ING1: variants seen among roughly 807,000 people sequenced by gnomAD.
The protein encoded by ING1 is inhibitor of growth protein 1.
Under a neutral mutation model 23.1 loss-of-function variants are expected in ING1, and 4 were observed. That is an observed-to-expected ratio of 0.17 (90% CI 0.09 to 0.40). The LOEUF is 0.40. ING1 is among the 10% of genes least tolerant of loss of function. The probability of loss-of-function intolerance (pLI) is 1.00; values close to 1 mark genes in which losing one functional copy is unlikely to be tolerated. For missense variants in ING1, 256 were observed against 393.8 expected (o/e 0.65, Z 2.96); for synonymous variants, 179 against 166.4 (o/e 1.08, Z -0.58).
chr13:110,718,396 A>G lies in ING1; in HGVS notation c.137-833A>G, dbSNP rs1181131311. ...GCACCACTGCACTCCAGCCTGGGCGACAGAGACGGACCTTGTCTCCAAAAT... is the reference window on the plus strand; with the variant it reads ...GCACCACTGCACTCCAGCCTGGGCGGCAGAGACGGACCTTGTCTCCAAAAT... On this transcript the variant is annotated intron_variant, in intron 1 of 1. Transcript: ENST00000333219. Among the ~76,000 whole-genome samples, 5 of 152,226 alleles carry G rather than the reference A, an allele frequency of 3.3e-5. No homozygotes were observed. The East Asian group carries it at 7.7e-4, about 23-fold the overall frequency.
Position 110,720,027 on chromosome 13 carries a change from A to T in ING1, c.*95A>T. On this transcript the variant is annotated 3_prime_UTR_variant, in exon 2 of 2. Coordinates refer to ENST00000333219, the MANE Select transcript of ING1 (RefSeq NM_198219.3). ...GAGGTGCAAGGAGTGTAAAATGTAT[A>T]TTTTTAAAGAATGTTAGTAAAGGAA... 1.1e-6 allele frequency: 1 copy of T among 903,530 alleles called. No homozygotes were observed. The highest frequency in any genetic ancestry group is 1.6e-6 in the Non-Finnish European group (1 of 616,112). The allele number at this position is 903,530 out of a possible 1,614,324, so 56.0% of individuals were successfully genotyped here.
chr13:110,717,980 C>A (rs1395042280), intron 1 of ING1, among the ~76,000 whole-genome samples: 1 of 152,196 alleles, frequency 6.6e-6, no homozygotes, highest in Admixed American at 6.5e-5. Flanking sequence ...TTTAGCAAGG[C>A]TGTTTACTTC....
rs754956901 is a variant in ING1 at position 110,719,856 on chromosome 13, A to G, written c.764A>G (p.Lys255Arg). ...HKPKGKWYCP[K>R]CRGENEKTMD... Reference sequence around the variant, plus strand: ...CCCAAGGGCAAGTGGTACTGTCCCAAGTGCCGGGGGGAGAACGAGAAGACC... The same window carrying G: ...CCCAAGGGCAAGTGGTACTGTCCCAGGTGCCGGGGGGAGAACGAGAAGACC... The change falls in exon 2 of 2, where the codon AAG becomes AGG. Residue 255 changes from lysine to arginine, a missense_variant. Physicochemically the swap from Lys to Arg is conservative, Grantham distance 26 (BLOSUM62 2). Coordinates refer to ENST00000333219, the MANE Select transcript of ING1 (RefSeq NM_198219.3). The surrounding 1 kb of genome is among the most constrained non-coding windows in gnomAD (Gnocchi z 8.9). The G allele has an allele frequency of 4.3e-6, 7 of 1,613,594 alleles. No homozygotes were observed. The Admixed American group carries it at 8.4e-5, about 19-fold the overall frequency.
At chr13:110,712,642 G>A (rs757525528), upstream of ING1, 2 of 575,276 alleles carry the variant, frequency 3.5e-6, no homozygotes, top group East Asian at 3.4e-5. Context: ...GGGGCGACGC[G>A]GGGGAGGGCG....
intron 1 of ING1, chr13:110,715,670 GCTCTTCCGCCCTGC>G: frequency 6.2e-7 from 1 of 1,608,408 alleles, no homozygotes; most frequent in African/African-American, 1.3e-5. Flanking sequence ...GGCGGGCCGT[GCTCTTCCGCCCTGC>G]GGTGTGGTTG....
chr13:110,713,191 T>C, upstream of ING1: 1 of 1,425,192 alleles, frequency 7.0e-7, no homozygotes, highest in South Asian at 1.5e-5. Context: ...TGTTGGCAAG[T>C]AGATTGGCTA....
At chr13:110,715,717 T>C in intron 1 of ING1, 2 of 1,589,442 alleles carry the variant, frequency 1.3e-6, no homozygotes, top group Non-Finnish European at 1.7e-6. Flanking sequence ...GCCTCCGCCC[T>C]CCAAATCGGC....
intron 1 of ING1, chr13:110,715,298 C>A: frequency 1.4e-6 from 2 of 1,382,416 alleles, no homozygotes; most frequent in Non-Finnish European, 1.9e-6. Context: ...AAAAAATTGA[C>A]CGCTATCCCC....
At chr13:110,712,845 C>A, upstream of ING1, 1 of 1,093,642 alleles carries the variant, frequency 9.1e-7, no homozygotes. Context: ...AGCAGCTTCC[C>A]TCTCAGGCCC....
rs1478713514 is a variant in ING1, at chr13:110,716,106, C to T, written c.136+1821C>T. 3.9e-6 allele frequency: 5 copies of T among 1,290,358 alleles called. No individual in the cohort carries two copies. The African/African-American group carries it at 4.6e-5, about 12-fold the overall frequency. 79.9% of individuals were successfully genotyped at this position (1,290,358 alleles called of 1,614,324 possible). A position where few individuals can be genotyped will look rare whatever the true frequency, so the allele number is the denominator to read the frequency against. On this transcript the variant is annotated intron_variant, in intron 1 of 1. Transcript: ENST00000333219. ...GCCGGACGGGCCCCGTGGGGTGACC[C>T]TGGGGCTCCGGACGGAAGGAAGGCA... is the stretch of plus-strand genomic sequence containing the variant.
At chr13:110,717,601 C>A (rs983461875) in intron 1 of ING1, among the ~76,000 whole-genome samples, 1 of 152,110 alleles carries the variant, frequency 6.6e-6, no homozygotes, top group African/African-American at 2.4e-5. Flanking sequence ...CCGAGGCGGG[C>A]GGATCACCTG....
Position 110,714,014 on chromosome 13 carries a change from G to C in ING1, c.-136G>C. On this transcript the variant is annotated 5_prime_UTR_variant, in exon 1 of 2. Coordinates refer to ENST00000333219, the MANE Select transcript of ING1 (RefSeq NM_198219.3). The stretch of plus-strand genomic sequence containing the variant: ...GACGGGCTCGGCAGATGTAGCCGCC[G>C]GGCCGAAGCAGGAGCCGGCGGGGGG... The C allele has an allele frequency of 8.4e-7, 1 of 1,184,752 alleles. No individual in the cohort carries two copies. The allele number at this position is 1,184,752 out of a possible 1,614,324, so 73.4% of individuals were successfully genotyped here. A position where few individuals can be genotyped will look rare whatever the true frequency, so the allele number is the denominator to read the frequency against.
intron 1 of ING1, among the ~76,000 whole-genome samples, chr13:110,718,197 G>A (rs954649657): frequency 2.0e-5 from 3 of 152,188 alleles, no homozygotes; most frequent in African/African-American, 7.2e-5. Context: ...AGCAGTAGAT[G>A]CAAAAGTAAA....
chr13:110,719,882 A>G lies in ING1; in HGVS notation c.790A>G (p.Met264Val). Reference sequence around the variant, plus strand: ...GTGCCGGGGGGAGAACGAGAAGACCATGGACAAAGCCCTGGAGAAATCCAA... The same window carrying G: ...GTGCCGGGGGGAGAACGAGAAGACCGTGGACAAAGCCCTGGAGAAATCCAA... ...PKCRGENEKT[M>V]DKALEKSKKE... The change falls in exon 2 of 2, where the codon ATG (methionine) becomes GTG (valine). Residue 264 changes from methionine to valine, a missense_variant. Physicochemically the swap from Met to Val is conservative, Grantham distance 21 (BLOSUM62 1). Around this residue, in one of 3 missense-constraint regions of ING1, gnomAD observed 22 missense variants for 24.2 expected, o/e 0.91. Transcript: ENST00000333219. This position sits in a 1 kb window ranked among gnomAD's most constrained non-coding sequence, Gnocchi z 8.9. 1 of 1,612,828 alleles carries G rather than the reference A, an allele frequency of 6.2e-7. No homozygotes were observed. The highest frequency in any genetic ancestry group is 8.5e-7 in the Non-Finnish European group (1 of 1,179,686).
At chr13:110,718,757 G>A (rs925952295) in intron 1 of ING1, among the ~76,000 whole-genome samples, 9 of 151,774 alleles carry the variant, frequency 5.9e-5, no homozygotes, top group African/African-American at 2.2e-4. Flanking sequence ...GTGTATAAAT[G>A]TAATAAATAC....
At chr13:110,718,897 C>T (rs1566381742) in intron 1 of ING1, among the ~76,000 whole-genome samples, 1 of 152,156 alleles carries the variant, frequency 6.6e-6, no homozygotes, top group Non-Finnish European at 1.5e-5. Flanking sequence ...GAGCACTGCA[C>T]CTCATTTAAA....
chr13:110,714,561 G>T (rs1366959047), intron 1 of ING1, among the ~76,000 whole-genome samples: 1 of 152,068 alleles, frequency 6.6e-6, no homozygotes, highest in South Asian at 2.1e-4. Context: ...TGATGAGGCG[G>T]GTGCTGCGGG....
chr13:110,720,103 T>C lies in ING1; in HGVS notation c.*171T>C, dbSNP rs906681069. 1 of 542,340 alleles carries C rather than the reference T, an allele frequency of 1.8e-6. No homozygotes were observed. Among genetic ancestry groups the C allele is most frequent in the Non-Finnish European group, 3.2e-6 (1 of 309,090 alleles). 33.6% of individuals were successfully genotyped at this position (542,340 alleles called of 1,614,324 possible). A position where few individuals can be genotyped will look rare whatever the true frequency, so the allele number is the denominator to read the frequency against. On this transcript the variant is annotated 3_prime_UTR_variant, in exon 2 of 2. Transcript: ENST00000333219. ...GATTCTGTTTGCCTTTTGTTTTCAT[T>C]GGTACACGTGTAACAAGAAAGTGGT...
intron 1 of ING1, 89 bp downstream of exon 1, chr13:110,714,374 A>C (rs1594451082): frequency 8.2e-7 from 1 of 1,214,866 alleles, no homozygotes; most frequent in Non-Finnish European, 1.0e-6. Context: ...CCTGCCGTGG[A>C]CCGGAGGAAG....
Sources: allele counts gnomAD v4.1 joint callset (sites outside exome capture counted in the v4.1 genomes callset), GRCh38; gene constraint gnomAD v4.1.1; regional missense constraint gnomAD v4.1.1; non-coding constraint Gnocchi (gnomAD v3.1); transcripts MANE v1.5; gene names NCBI Gene and HGNC (gene_info 2026-07-23, HGNC 2026-07-21).